The following PDE1C variants were observed in gnomAD, a reference collection of about 807,000 sequenced individuals.
PDE1C encodes the protein dual specificity calcium/calmodulin-dependent 3',5'-cyclic nucleotide phosphodiesterase 1C.
A neutral mutation model predicts 93.1 loss-of-function variants in PDE1C; 62 were observed. That is an observed-to-expected ratio of 0.67 (90% CI 0.54 to 0.82). PDE1C has a LOEUF of 0.82. PDE1C is among the 40% of genes least tolerant of loss of function. PDE1C has a pLI of 0.00. For missense variants in PDE1C, 742 were observed against 884.6 expected (o/e 0.84, Z 2.04); for synonymous variants, 325 against 310.1 (o/e 1.05, Z -0.50).
chr7:32,206,667 C>T lies in PDE1C; in HGVS notation c.136+2822G>A, dbSNP rs575453175. Reference sequence around the variant, plus strand: ...GTACCCACATGGGGTACTTTCCATGCGGCACCCATGTGAGGTGCCCACCAT... The same window carrying T: ...GTACCCACATGGGGTACTTTCCATGTGGCACCCATGTGAGGTGCCCACCAT... On this transcript the variant is annotated intron_variant, in intron 2 of 18. Transcript: ENST00000396193. Among the ~76,000 whole-genome samples the T allele has an allele frequency of 1.8e-4, 28 of 152,288 alleles. No homozygotes were observed. In the South Asian group the frequency reaches 3.9e-3, roughly 21 times the overall value.
In PDE1C at chr7:32,420,092, CAT is replaced by C. The variant is rs371570161; in HGVS notation, c.310+7728_310+7729del. Among the ~76,000 whole-genome samples, 65 of 16,352 alleles carry C rather than the reference CAT, an allele frequency of 4.0e-3. 8 individuals carry two copies. Among genetic ancestry groups the C allele is most frequent in the African/African-American group, 6.6e-3 (28 of 4,254 alleles). 10.7% of individuals were successfully genotyped at this position (16,352 alleles called of 152,430 possible). On this transcript the variant is annotated intron_variant, in intron 1 of 1. Transcript: ENST00000672256. ...ATACAAAAATAGCCAGGTGTGGTGGCATATATATATATATATATATATATATA... is the reference window on the plus strand; with the variant it reads ...ATACAAAAATAGCCAGGTGTGGTGGCATATATATATATATATATATATATA...
chr7:31,889,676 CTG>C (rs1798385808), intron 2 of PDE1C, among the ~76,000 whole-genome samples: 1 of 152,200 alleles, frequency 6.6e-6, no homozygotes, highest in African/African-American at 2.4e-5. Flanking sequence ...ATGTGGGCAA[CTG>C]TGTGTCCAAA....
chr7:31,780,152 G>A (rs927754876), intron 16 of PDE1C, among the ~76,000 whole-genome samples: 1 of 152,130 alleles, frequency 6.6e-6, no homozygotes, highest in South Asian at 2.1e-4. Context: ...GTTGGTCTGG[G>A]TGGGACCTGG....
At chr7:32,378,563 A>T (rs1426216320) in intron 1 of PDE1C, among the ~76,000 whole-genome samples, 1 of 152,208 alleles carries the variant, frequency 6.6e-6, no homozygotes, top group African/African-American at 2.4e-5. Flanking sequence ...AAGATATGCA[A>T]CTTCCCCAGT....
intron 2 of PDE1C, among the ~76,000 whole-genome samples, chr7:32,206,623 C>T (rs10257579): frequency 0.21 from 32,711 of 152,184 alleles, 4,379 homozygotes; most frequent in Admixed American, 0.34. Context: ...CCCCACACTG[C>T]CCTTGTGGCT....
intron 3 of PDE1C, among the ~76,000 whole-genome samples, chr7:32,157,326 G>A (rs757542316): frequency 6.6e-6 from 1 of 152,100 alleles, no homozygotes; most frequent in East Asian, 1.9e-4. Flanking sequence ...AAAATAACTA[G>A]AGGAGAACCA....
intron 2 of PDE1C, among the ~76,000 whole-genome samples, chr7:31,885,844 C>T (rs1305288915): frequency 1.3e-5 from 2 of 152,172 alleles, no homozygotes; most frequent in Non-Finnish European, 2.9e-5. Flanking sequence ...CGCAGAAAGC[C>T]CTATAACCCT....
rs569935085 is a variant in PDE1C at position 32,110,890 on chromosome 7, C to T, written c.308+58895G>A. Among the ~76,000 whole-genome samples the T allele has an allele frequency of 3.0e-4, 45 of 152,280 alleles. 1 individual carries two copies. In the East Asian group the frequency reaches 8.7e-3, roughly 29 times the overall value. ...AGTAAAATATCTCACATTGAACATA[C>T]TCTCACATTGAACACATCTCACATT... On this transcript the variant is annotated intron_variant, in intron 3 of 18. Transcript: ENST00000396193.
At chr7:32,095,843 G>GA (rs961933177) in intron 3 of PDE1C, among the ~76,000 whole-genome samples, 2 of 152,166 alleles carry the variant, frequency 1.3e-5, no homozygotes, top group Non-Finnish European at 2.9e-5. Context: ...ACTGCCTGCA[G>GA]AATAGGCAGT....
chr7:32,038,637 T>C (rs1791423009), intron 2 of PDE1C, among the ~76,000 whole-genome samples: 1 of 152,156 alleles, frequency 6.6e-6, no homozygotes, highest in South Asian at 2.1e-4. Context: ...AAATCCATGC[T>C]CTGAATGCTA....
chr7:31,870,742 C>T (rs1330635657), intron 6 of PDE1C, among the ~76,000 whole-genome samples: 1 of 151,918 alleles, frequency 6.6e-6, no homozygotes, highest in Non-Finnish European at 1.5e-5. Flanking sequence ...TCTCCTTCTC[C>T]CTAACTAATT....
At chr7:31,798,599 C>T (rs1785600488) in intron 16 of PDE1C, among the ~76,000 whole-genome samples, 1 of 151,646 alleles carries the variant, frequency 6.6e-6, no homozygotes, top group Non-Finnish European at 1.5e-5. Context: ...AATGGTAAAT[C>T]CATTAGAATT....
At chr7:32,199,226 T>C (rs1804833596) in intron 2 of PDE1C, among the ~76,000 whole-genome samples, 1 of 152,222 alleles carries the variant, frequency 6.6e-6, no homozygotes, top group Admixed American at 6.5e-5. Context: ...GCCCATCGTC[T>C]ATACTGTTCT....
chr7:31,694,387 A>AACACACACACACACACAC, the PDE1C span, among the ~76,000 whole-genome samples: 4,920 of 141,490 alleles, frequency 0.035, 208 homozygotes, highest in East Asian at 0.22. Flanking sequence ...CTCTCTCTCA[A>AACACACACACACACACAC]ACACACACAC....
At chr7:32,412,114 T>C (rs1000184334) in intron 1 of PDE1C, among the ~76,000 whole-genome samples, 7 of 152,132 alleles carry the variant, frequency 4.6e-5, no homozygotes, top group Admixed American at 2.0e-4. Flanking sequence ...CAGGTAACTT[T>C]ATTTTTAATA....
the PDE1C span, among the ~76,000 whole-genome samples, chr7:31,625,799 A>C: frequency 1.3e-5 from 2 of 151,030 alleles, no homozygotes; most frequent in African/African-American, 4.9e-5. Context: ...AAGAATTAGA[A>C]TAAGCTTTCC....
At chr7:32,100,380 G>A (rs1797983181) in intron 3 of PDE1C, among the ~76,000 whole-genome samples, 1 of 152,186 alleles carries the variant, frequency 6.6e-6, no homozygotes, top group Non-Finnish European at 1.5e-5. Flanking sequence ...ACTTTTGCCT[G>A]GTGGCATATT....
At chr7:31,844,539 C>A (rs1792307113) in intron 9 of PDE1C, among the ~76,000 whole-genome samples, 1 of 151,880 alleles carries the variant, frequency 6.6e-6, no homozygotes, top group Non-Finnish European at 1.5e-5. Flanking sequence ...AACTTGTTCT[C>A]CTAAGTGTAA....
the PDE1C span, among the ~76,000 whole-genome samples, chr7:31,741,485 G>T: frequency 1.3e-5 from 2 of 151,860 alleles, no homozygotes; most frequent in African/African-American, 2.4e-5. Context: ...CTCTCAAATT[G>T]TTACATTATT....
Sources: allele counts gnomAD v4.1 joint callset (sites outside exome capture counted in the v4.1 genomes callset), GRCh38; gene constraint gnomAD v4.1.1; transcripts MANE v1.5; gene names NCBI Gene and HGNC (gene_info 2026-07-23, HGNC 2026-07-21).